B3GAT2: variants seen among roughly 807,000 people sequenced by gnomAD.
B3GAT2 encodes the protein galactosylgalactosylxylosylprotein 3-beta-glucuronosyltransferase 2.
In B3GAT2, 26 loss-of-function variants were observed where a neutral mutation model predicts 27.8. That is an observed-to-expected ratio of 0.93 (90% CI 0.68 to 1.30). The LOEUF is 1.30. Ranked by LOEUF, B3GAT2 falls within the 50% of genes most tolerant of loss-of-function variation. B3GAT2 has a pLI of 0.00. For missense variants in B3GAT2, 458 were observed against 459.0 expected (o/e 1.00, Z 0.02); for synonymous variants, 218 against 195.1 (o/e 1.12, Z -0.98).
intron 1 of B3GAT2, among the ~76,000 whole-genome samples, chr6:70,916,592 G>A (rs1772778353): frequency 6.6e-6 from 1 of 152,156 alleles, no homozygotes; most frequent in African/African-American, 2.4e-5. Flanking sequence ...TTTATTGAGA[G>A]TTTTTAGCAT....
chr6:70,893,023 G>A (rs548111542), intron 2 of B3GAT2, among the ~76,000 whole-genome samples: 1 of 152,270 alleles, frequency 6.6e-6, no homozygotes, highest in African/African-American at 2.4e-5. Context: ...CCTGGCTGAG[G>A]GCTGGTGCTG....
chr6:70,923,443 G>A (rs993146942), intron 1 of B3GAT2, among the ~76,000 whole-genome samples: 7 of 152,180 alleles, frequency 4.6e-5, no homozygotes, highest in Non-Finnish European at 1.0e-4. Flanking sequence ...TTGGGAGGCT[G>A]AGGTGTCAGA....
At position 70,857,159 on chromosome 6, in the gene B3GAT2, A is replaced by G; in HGVS notation, c.*4504T>C. 3.3e-6 allele frequency: 3 copies of G among 904,090 alleles called. No homozygotes were observed. Among genetic ancestry groups the G allele is most frequent in the Non-Finnish European group, 4.6e-6 (3 of 647,504 alleles). The allele number at this position is 904,090 out of a possible 1,614,324, so 56.0% of individuals were successfully genotyped here. On this transcript the variant is annotated 3_prime_UTR_variant, in exon 4 of 4. Coordinates refer to ENST00000230053, the MANE Select transcript of B3GAT2 (RefSeq NM_080742.3). ...GTGCTTTTGTTGTTGCAGTTTATAC[A>G]ACTATGAAGCCGAAATGAATGAGCA...
rs370270073 is a variant in B3GAT2 at position 70,878,682 on chromosome 6, CCTT to C, written c.736+15443_736+15445del. ...ATACTTTTTTTTTTTTGCTTTTTTC[CCTT>C]CTTCTTTTTGAATTCATTTTGGTTT... On this transcript the variant is annotated intron_variant, in intron 2 of 3. Transcript: ENST00000230053. Among the ~76,000 whole-genome samples the C allele has an allele frequency of 3.6e-3, 540 of 148,818 alleles. 3 individuals are homozygous for C. Among genetic ancestry groups the C allele is most frequent in the African/African-American group, 0.013 (510 of 40,534 alleles).
chr6:70,886,679 G>A (rs1166992623), intron 2 of B3GAT2, among the ~76,000 whole-genome samples: 1 of 152,160 alleles, frequency 6.6e-6, no homozygotes, highest in Admixed American at 6.5e-5. Context: ...TGAGCACACA[G>A]ATGCACATGT....
intron 2 of B3GAT2, among the ~76,000 whole-genome samples, chr6:70,884,171 T>G: frequency 6.6e-6 from 1 of 151,404 alleles, no homozygotes; most frequent in South Asian, 2.1e-4. Flanking sequence ...CTATATGGTC[T>G]CTTTGCTCCT....
intron 2 of B3GAT2, among the ~76,000 whole-genome samples, chr6:70,867,324 T>C (rs1402231519): frequency 3.3e-5 from 5 of 151,722 alleles, no homozygotes; most frequent in Non-Finnish European, 7.4e-5. Context: ...CTAATAGATA[T>C]GAGAGCAGAA....
intron 1 of B3GAT2, among the ~76,000 whole-genome samples, chr6:70,906,146 C>T (rs1319749124): frequency 6.6e-6 from 1 of 152,138 alleles, no homozygotes; most frequent in Non-Finnish European, 1.5e-5. Flanking sequence ...AATTTTTCCA[C>T]ACGAAAACCA....
At chr6:70,954,677 G>A (rs921567521) in intron 1 of B3GAT2, among the ~76,000 whole-genome samples, 4 of 152,278 alleles carry the variant, frequency 2.6e-5, no homozygotes, top group South Asian at 4.1e-4. Flanking sequence ...TGGGAGAAGG[G>A]GAATTGAGGG....
intron 2 of B3GAT2, among the ~76,000 whole-genome samples, chr6:70,887,240 G>T (rs1202024898): frequency 6.6e-6 from 1 of 152,158 alleles, no homozygotes; most frequent in African/African-American, 2.4e-5. Flanking sequence ...GGCTGAAGCT[G>T]ATCACAGCAT....
Position 70,870,840 on chromosome 6 carries a change from C to T in B3GAT2, c.737-8862G>A, listed in dbSNP as rs571058283. On this transcript the variant is annotated intron_variant, in intron 2 of 3. Coordinates refer to ENST00000230053, the MANE Select transcript of B3GAT2 (RefSeq NM_080742.3). ...TTCTTGATCTTAGGGAAAAAGCTTT[C>T]GGCATTCAACTATTAAAAATGTTAG... Among the ~76,000 whole-genome samples, 202 of 152,134 alleles carry T rather than the reference C, an allele frequency of 1.3e-3. 1 individual carries two copies. Among genetic ancestry groups the T allele is most frequent in the African/African-American group, 4.4e-3 (183 of 41,528 alleles).
intron 1 of B3GAT2, among the ~76,000 whole-genome samples, chr6:70,898,206 G>C (rs1186213963): frequency 6.6e-6 from 1 of 152,046 alleles, no homozygotes; most frequent in Non-Finnish European, 1.5e-5. Context: ...TAACAATATT[G>C]AGTTTTCTAG....
intron 1 of B3GAT2, among the ~76,000 whole-genome samples, chr6:70,917,727 T>C (rs1772797409): frequency 6.6e-6 from 1 of 152,240 alleles, no homozygotes; most frequent in Non-Finnish European, 1.5e-5. Context: ...TTCTTAATCC[T>C]GAGTTCTAAT....
chr6:70,938,831 A>G (rs1411566576), intron 1 of B3GAT2, among the ~76,000 whole-genome samples: 1 of 151,954 alleles, frequency 6.6e-6, no homozygotes, highest in African/African-American at 2.4e-5. Context: ...TTCAGGACAT[A>G]GGCATGGGCA....
intron 1 of B3GAT2, among the ~76,000 whole-genome samples, chr6:70,936,624 G>A (rs889421479): frequency 1.6e-4 from 25 of 152,052 alleles, no homozygotes; most frequent in Non-Finnish European, 3.7e-4. Context: ...CAGCTACATG[G>A]AAACTGAACA....
At chr6:70,931,890 T>C (rs1466765622) in intron 1 of B3GAT2, among the ~76,000 whole-genome samples, 2 of 152,156 alleles carry the variant, frequency 1.3e-5, no homozygotes, top group African/African-American at 4.8e-5. Flanking sequence ...GATAAGTGAC[T>C]AATATCCAAA....
chr6:70,877,920 A>G (rs1159174927), intron 2 of B3GAT2, among the ~76,000 whole-genome samples: 1 of 152,212 alleles, frequency 6.6e-6, no homozygotes, highest in Non-Finnish European at 1.5e-5. Flanking sequence ...GCAAGGATCA[A>G]ACCATCCATG....
chr6:70,934,920 T>C (rs564385625), intron 1 of B3GAT2, among the ~76,000 whole-genome samples: 11 of 152,196 alleles, frequency 7.2e-5, no homozygotes, highest in South Asian at 6.2e-4. Context: ...GTAACATTTA[T>C]TGTTGTTTTG....
intron 2 of B3GAT2, among the ~76,000 whole-genome samples, chr6:70,865,178 G>T (rs1420334386): frequency 2.0e-5 from 3 of 152,202 alleles, no homozygotes; most frequent in Non-Finnish European, 4.4e-5. Flanking sequence ...CCAGGCTGGA[G>T]TGCAGTGGCA....
Sources: allele counts gnomAD v4.1 joint callset (sites outside exome capture counted in the v4.1 genomes callset), GRCh38; gene constraint gnomAD v4.1.1; transcripts MANE v1.5; gene names NCBI Gene and HGNC (gene_info 2026-07-23, HGNC 2026-07-21).